The following PKD2L1 variants were observed in gnomAD, a reference collection of about 807,000 sequenced individuals.
The protein encoded by PKD2L1 is polycystin 2 like 1, transient receptor potential cation channel, also known as polycystin-2-like protein 1.
Under a neutral mutation model 93.0 loss-of-function variants are expected in PKD2L1, and 77 were observed. The observed-to-expected ratio is 0.83, with a 90% CI of 0.69 to 1.00. PKD2L1 has a LOEUF of 1.00. Ranked by LOEUF, PKD2L1 falls within the 50% of genes least tolerant of loss-of-function variation. PKD2L1 has a pLI of 0.00. For synonymous variants in PKD2L1, 390 were observed against 388.0 expected (o/e 1.01, Z -0.06); for missense variants, 977 against 990.9 (o/e 0.99, Z 0.19).
intron 14 of PKD2L1, 95 bp downstream of exon 14, chr10:100,289,920 G>T (rs1420841664): frequency 9.4e-6 from 13 of 1,378,328 alleles, no homozygotes; most frequent in Admixed American, 1.7e-5. Context: ...GAAAACATAG[G>T]TCTTTCAAAA....
intron 10 of PKD2L1, 29 bp downstream of exon 10, chr10:100,293,252 T>C: frequency 6.4e-7 from 1 of 1,555,380 alleles, no homozygotes; most frequent in Non-Finnish European, 8.9e-7. Context: ...CTGATGGAAA[T>C]GTGTAGCTCA....
At chr10:100,316,163 G>T (rs1849097191) in intron 2 of PKD2L1, among the ~76,000 whole-genome samples, 2 of 152,060 alleles carry the variant, frequency 1.3e-5, no homozygotes, top group African/African-American at 4.8e-5. Flanking sequence ...CAGAAGATGT[G>T]TCTCGGGTAT....
At chr10:100,297,638 A>G (rs1191991532) in intron 4 of PKD2L1, 32 bp from the exon 5 acceptor site, 1 of 1,545,610 alleles carries the variant, frequency 6.5e-7, no homozygotes, top group African/African-American at 1.4e-5. Context: ...GAGCCAGCCC[A>G]AAAGTTCATC....
intron 2 of PKD2L1, among the ~76,000 whole-genome samples, chr10:100,309,613 C>A (rs1433480119): frequency 6.6e-6 from 1 of 152,152 alleles, no homozygotes; most frequent in African/African-American, 2.4e-5. Context: ...CTTGGACAAG[C>A]AGTTCAGGCC....
intron 14 of PKD2L1, 32 bp downstream of exon 14, chr10:100,289,983 G>A: frequency 6.2e-7 from 1 of 1,613,490 alleles, no homozygotes; most frequent in Non-Finnish European, 8.5e-7. Context: ...CAGCTGTGAG[G>A]AACTAGGAGG....
In PKD2L1 at chr10:100,288,370, G is replaced by A; in HGVS notation, c.*26C>T. The stretch of plus-strand genomic sequence containing the variant: ...AGCCTCTTGCAGAAGATCCTTCATA[G>A]ACTTTGCTCCGGGAGTGCCTCACAC... On this transcript the variant is annotated 3_prime_UTR_variant, in exon 16 of 16. Coordinates refer to ENST00000318222, the MANE Select transcript of PKD2L1 (RefSeq NM_016112.3). 1 of 1,483,434 alleles carries A rather than the reference G, an allele frequency of 6.7e-7. No homozygotes were observed. Among genetic ancestry groups the A allele is most frequent in the Non-Finnish European group, 9.4e-7 (1 of 1,060,720 alleles). 91.9% of individuals were successfully genotyped at this position (1,483,434 alleles called of 1,614,324 possible). A position where few individuals can be genotyped will look rare whatever the true frequency, so the allele number is the denominator to read the frequency against.
intron 2 of PKD2L1, among the ~76,000 whole-genome samples, chr10:100,306,427 A>T (rs190595426): frequency 6.6e-6 from 1 of 152,288 alleles, no homozygotes; most frequent in East Asian, 1.9e-4. Context: ...TCTCAAGATG[A>T]CTTACAAACT....
chr10:100,310,227 G>A (rs573900391), intron 2 of PKD2L1, among the ~76,000 whole-genome samples: 5 of 152,036 alleles, frequency 3.3e-5, no homozygotes, highest in Non-Finnish European at 5.9e-5. Context: ...CCAGCTACTC[G>A]GGGAGGCTGA....
intron 2 of PKD2L1, among the ~76,000 whole-genome samples, chr10:100,315,034 G>T (rs1849060836): frequency 9.4e-5 from 1 of 10,656 alleles, no homozygotes; most frequent in African/African-American, 6.6e-4. Context: ...GGGAAGGGAA[G>T]GGAAGGGAAG....
chr10:100,289,707 C>A (rs1848361076), intron 14 of PKD2L1, among the ~76,000 whole-genome samples: 1 of 152,126 alleles, frequency 6.6e-6, no homozygotes, highest in South Asian at 2.1e-4. Context: ...TCCCAGCCTC[C>A]CAAACTGTGA....
intron 15 of PKD2L1, 42 bp downstream of exon 15, chr10:100,288,930 G>A (rs1469935029): frequency 2.2e-6 from 3 of 1,345,126 alleles, no homozygotes; most frequent in Non-Finnish European, 3.1e-6. Context: ...GAGGCAGAGG[G>A]AGGGAAGCCT....
rs1465938888 is a variant in PKD2L1, at chr10:100,293,046, T to C, written c.1782A>G (p.Arg594=). Residue 594 remains arginine (R), a synonymous_variant, in exon 11 of 16, where the codon AGA becomes AGG. Transcript: ENST00000318222. ...AAACCCTCTCCTTCCTCAGACGCAG[T>C]CTTAGTAGGGTCTTGTTGTAGCCCT... ...LKQGYNKTLL[R]LRLRKERVSD... 3 of 1,614,102 alleles carry C rather than the reference T, an allele frequency of 1.9e-6. No homozygotes were observed. The highest frequency in any genetic ancestry group is 2.2e-5 in the South Asian group (2 of 91,070).
In PKD2L1 at chr10:100,297,409, G is replaced by A. The variant is rs750720600; in HGVS notation, c.929C>T (p.Ala310Val). ...CAGGACACAGAAAAGATTGATATTG[G>A]CATTGTAGACTGAGAAGTCGATGAA... ...VVFIDFSVYN[A>V]NINLFCVLRL... Residue 310 changes from alanine (A) to valine (V), a missense_variant, in exon 5 of 16, where the codon GCC becomes GTC. Physicochemically the swap from Ala to Val is moderately conservative, Grantham distance 64 (BLOSUM62 0). Transcript: ENST00000318222. 1 of 1,613,782 alleles carries A rather than the reference G, an allele frequency of 6.2e-7. No individual in the cohort carries two copies. The highest frequency in any genetic ancestry group is 1.7e-5 in the Admixed American group (1 of 59,998).
intron 11 of PKD2L1, among the ~76,000 whole-genome samples, chr10:100,292,691 T>A (rs930013845): frequency 1.3e-4 from 20 of 152,078 alleles, no homozygotes; most frequent in African/African-American, 4.6e-4. Flanking sequence ...ATTCAATGAT[T>A]AGGGAATTAT....
At chr10:100,289,928 A>G (rs3894173) in intron 14 of PKD2L1, 87 bp downstream of exon 14, 67,446 of 1,492,276 alleles carry the variant, frequency 0.045, 5,801 homozygotes, top group African/African-American at 0.35. Flanking sequence ...AGGTCTTTCA[A>G]AAATGTTCTT....
At chr10:100,325,878 G>A (rs1420768532) in intron 2 of PKD2L1, among the ~76,000 whole-genome samples, 1 of 152,126 alleles carries the variant, frequency 6.6e-6, no homozygotes, top group Non-Finnish European at 1.5e-5. Context: ...TCTCAGGTGG[G>A]TATGATCATT....
chr10:100,296,428 T>C, intron 6 of PKD2L1, 136 bp from the exon 7 acceptor site: 1 of 614,756 alleles, frequency 1.6e-6, no homozygotes, highest in African/African-American at 1.9e-5. Flanking sequence ...TTGTTCACTA[T>C]CTCAGTTTCA....
At chr10:100,322,286 G>C (rs1002906650) in intron 2 of PKD2L1, among the ~76,000 whole-genome samples, 2 of 152,030 alleles carry the variant, frequency 1.3e-5, no homozygotes, top group African/African-American at 4.8e-5. Flanking sequence ...CAACATTTTG[G>C]GAGGCCGAGG....
chr10:100,327,577 C>T (rs746966417), intron 2 of PKD2L1, among the ~76,000 whole-genome samples: 3 of 152,138 alleles, frequency 2.0e-5, no homozygotes, highest in Admixed American at 6.5e-5. Flanking sequence ...GAAAGAGAGA[C>T]GTTTAAGTCA....
Sources: allele counts gnomAD v4.1 joint callset (sites outside exome capture counted in the v4.1 genomes callset), GRCh38; gene constraint gnomAD v4.1.1; transcripts MANE v1.5; gene names NCBI Gene and HGNC (gene_info 2026-07-23, HGNC 2026-07-21).